The following HPN variants were observed in gnomAD, a reference collection of about 807,000 sequenced individuals.
HPN encodes serine protease hepsin.
In HPN, 13 loss-of-function variants were observed where a neutral mutation model predicts 55.9. That is an observed-to-expected ratio of 0.23 (90% confidence interval 0.15 to 0.37). The LOEUF (loss-of-function observed/expected upper bound fraction) is 0.37, where lower values mean the gene tolerates loss of function less well. Ranked by LOEUF, HPN falls within the 10% of genes least tolerant of loss-of-function variation. The probability of loss-of-function intolerance (pLI) is 1.00; values close to 1 mark genes in which losing one functional copy is unlikely to be tolerated. For missense variants in HPN, 451 were observed against 575.8 expected (o/e 0.78, Z 2.22); for synonymous variants, 225 against 240.3 (o/e 0.94, Z 0.59).
In HPN at chr19:35,066,480, C is replaced by A. The variant is rs1263553323; in HGVS notation, c.*193C>A. 14 of 652,540 alleles carry A rather than the reference C, an allele frequency of 2.1e-5. No homozygotes were observed. Among genetic ancestry groups the A allele is most frequent in the Non-Finnish European group, 3.6e-5 (14 of 386,136 alleles). The allele number at this position is 652,540 out of a possible 1,614,324, so 40.4% of individuals were successfully genotyped here. A position where few individuals can be genotyped will look rare whatever the true frequency, so the allele number is the denominator to read the frequency against. The stretch of plus-strand genomic sequence containing the variant: ...AGACCACCCAACCTCACCCTCCTGA[C>A]CCCCATGTAAATATTGTTCTGCTGT... On this transcript the variant is annotated 3_prime_UTR_variant, in exon 13 of 13. Coordinates refer to ENST00000672452, the MANE Select transcript of HPN (RefSeq NM_001384133.1).
chr19:35,042,746 G>A (rs777882911), intron 2 of HPN, among the ~76,000 whole-genome samples: 18 of 152,020 alleles, frequency 1.2e-4, no homozygotes, highest in African/African-American at 2.2e-4. Context: ...CCTTCCTGGC[G>A]TGCTGCCTCA....
upstream of HPN, chr19:35,041,624 C>T (rs1015092803): frequency 2.8e-5 from 32 of 1,156,968 alleles, no homozygotes; most frequent in African/African-American, 1.0e-4. Flanking sequence ...CCCACAAGCC[C>T]GGCCCCATCA....
rs1327856863 is a variant in HPN, at chr19:35,060,817, G to A, written c.811G>A (p.Glu271Lys). ...VHLSSPLPLT[E>K]YIQPVCLPAA... ...CCTCTCCAGTCCCCTGCCCCTCACA[G>A]GTAAGTCTAAGGGCTGAGCCATGGG... Residue 271 changes from glutamate (E) to lysine (K), a missense_variant and splice_region_variant, in exon 9 of 13, where the codon GAA (glutamate) becomes AAA (lysine). Transcript: ENST00000672452. 6.4e-7 allele frequency: 1 copy of A among 1,574,654 alleles called. No individual in the cohort carries two copies. The highest frequency in any genetic ancestry group is 1.8e-5 in the Admixed American group (1 of 57,002).
At chr19:35,058,188 A>G (rs370051368) in intron 4 of HPN, among the ~76,000 whole-genome samples, 1 of 151,118 alleles carries the variant, frequency 6.6e-6, no homozygotes, top group Non-Finnish European at 1.5e-5. Flanking sequence ...ATAAATACAT[A>G]TATATTTTTG....
At chr19:35,059,410 A>G in intron 4 of HPN, 1 of 588,018 alleles carries the variant, frequency 1.7e-6, no homozygotes, top group Non-Finnish European at 3.1e-6. Flanking sequence ...TGAGTCTGGG[A>G]GGTCAAGGCT....
At chr19:35,060,206 C>T in intron 7 of HPN, 37 bp downstream of exon 7, 6 of 1,612,998 alleles carry the variant, frequency 3.7e-6, no homozygotes, top group Non-Finnish European at 5.1e-6. Flanking sequence ...TCCTTTAGGC[C>T]CTTGGGGAGG....
At chr19:35,045,716 T>C (rs1054202881) in intron 2 of HPN, among the ~76,000 whole-genome samples, 1 of 150,130 alleles carries the variant, frequency 6.7e-6, no homozygotes, top group Non-Finnish European at 1.5e-5. Flanking sequence ...CAGATGAGGA[T>C]GCTGCCTGTC....
chr19:35,047,633 G>T (rs1335627413), intron 2 of HPN, among the ~76,000 whole-genome samples: 1 of 146,684 alleles, frequency 6.8e-6, no homozygotes, highest in Non-Finnish European at 1.5e-5. Flanking sequence ...CCGGAACCTA[G>T]AAAGGTGCCA....
At chr19:35,046,262 T>A (rs1416355895) in intron 2 of HPN, among the ~76,000 whole-genome samples, 3 of 151,690 alleles carry the variant, frequency 2.0e-5, no homozygotes, top group East Asian at 1.9e-4. Context: ...TTTTTTTTTT[T>A]AATACAGAGT....
At chr19:35,052,783 C>T (rs958536506) in intron 4 of HPN, among the ~76,000 whole-genome samples, 2 of 152,246 alleles carry the variant, frequency 1.3e-5, no homozygotes, top group African/African-American at 4.8e-5. Context: ...TGTGGTCAGA[C>T]GGTGCCTGGC....
At chr19:35,040,536 G>A (rs1450539828), upstream of HPN, 1 of 152,266 alleles carries the variant, frequency 6.6e-6, no homozygotes, top group Non-Finnish European at 1.5e-5. Context: ...CCCTACCTGA[G>A]GGCCCACAGG....
At chr19:35,051,645 C>T (rs894117682) in intron 4 of HPN, among the ~76,000 whole-genome samples, 3 of 150,090 alleles carry the variant, frequency 2.0e-5, no homozygotes, top group Admixed American at 1.3e-4. Context: ...AGGCAGCCTG[C>T]GTAGTAACTG....
intron 4 of HPN, among the ~76,000 whole-genome samples, chr19:35,056,325 A>G (rs2064454971): frequency 6.6e-6 from 1 of 151,898 alleles, no homozygotes; most frequent in African/African-American, 2.4e-5. Flanking sequence ...TGTCTCACCT[A>G]CTGAGCTTTG....
chr19:35,047,621 T>A (rs574115034), intron 2 of HPN, among the ~76,000 whole-genome samples: 2 of 150,690 alleles, frequency 1.3e-5, no homozygotes, highest in Non-Finnish European at 3.0e-5. Flanking sequence ...TGGGTTATGT[T>A]CCCGGAACCT....
At chr19:35,048,893 G>A (rs747196611) in intron 2 of HPN, among the ~76,000 whole-genome samples, 1 of 152,164 alleles carries the variant, frequency 6.6e-6, no homozygotes, top group Non-Finnish European at 1.5e-5. Context: ...AAATGCCAGC[G>A]GCAGGGAAGA....
At chr19:35,062,313 A>G (rs1436988053) in intron 9 of HPN, among the ~76,000 whole-genome samples, 1 of 152,216 alleles carries the variant, frequency 6.6e-6, no homozygotes, top group Non-Finnish European at 1.5e-5. Flanking sequence ...CTGTGACTAC[A>G]CAAAAAGCCA....
At chr19:35,056,653 G>T (rs1462041648) in intron 4 of HPN, among the ~76,000 whole-genome samples, 1 of 152,128 alleles carries the variant, frequency 6.6e-6, no homozygotes, top group Admixed American at 6.5e-5. Flanking sequence ...GATGTGTTTG[G>T]CTGGGTGACA....
intron 2 of HPN, among the ~76,000 whole-genome samples, chr19:35,048,349 C>G (rs1464034185): frequency 1.3e-5 from 2 of 152,144 alleles, no homozygotes; most frequent in East Asian, 3.9e-4. Context: ...TGAGCTATCT[C>G]AAAAACAGGA....
chr19:35,040,852 T>C (rs1226506572), upstream of HPN, among the ~76,000 whole-genome samples: 1 of 151,672 alleles, frequency 6.6e-6, no homozygotes, highest in East Asian at 1.9e-4. Flanking sequence ...ATGGGTGCGG[T>C]GGAGGTGGGT....
Sources: allele counts gnomAD v4.1 joint callset (sites outside exome capture counted in the v4.1 genomes callset), GRCh38; gene constraint gnomAD v4.1.1; transcripts MANE v1.5; gene names NCBI Gene and HGNC (gene_info 2026-07-23, HGNC 2026-07-21).